NRG4: variants seen among roughly 807,000 people sequenced by gnomAD.
The protein encoded by NRG4 is neuregulin 4.
NRG4 carries 10 observed loss-of-function variants against 15.0 expected under a neutral mutation model. That is an observed-to-expected ratio of 0.67 (90% confidence interval 0.41 to 1.13). NRG4 has a LOEUF of 1.13. NRG4 is among the 50% of genes most tolerant of loss of function. The pLI, the probability that NRG4 is intolerant of heterozygous loss-of-function variation, is 0.00. For synonymous variants in NRG4, 41 were observed against 50.1 expected (o/e 0.82, Z 0.77); for missense variants, 139 against 140.2 (o/e 0.99, Z 0.04).
chr15:76,021,206 G>T (rs2035141669), intron 5 of NRG4, among the ~76,000 whole-genome samples: 1 of 152,140 alleles, frequency 6.6e-6, no homozygotes, highest in Non-Finnish European at 1.5e-5. Context: ...ACAAAGCCTT[G>T]ATGACAGCAC....
At chr15:76,045,784 G>T (rs1470533811) in intron 4 of NRG4, among the ~76,000 whole-genome samples, 2 of 150,790 alleles carry the variant, frequency 1.3e-5, no homozygotes, top group Non-Finnish European at 2.9e-5. Context: ...GCTGGGAAGG[G>T]TGGAGCAGGG....
At chr15:75,984,118 G>A (rs1174382554) in intron 3 of NRG4, among the ~76,000 whole-genome samples, 1 of 152,152 alleles carries the variant, frequency 6.6e-6, no homozygotes, top group Non-Finnish European at 1.5e-5. Context: ...TATAATGGTG[G>A]ATACATGTCA....
At chr15:76,019,832 T>A (rs2035099074) in intron 5 of NRG4, among the ~76,000 whole-genome samples, 2 of 152,158 alleles carry the variant, frequency 1.3e-5, no homozygotes, top group Admixed American at 6.5e-5. Context: ...ATCTCCCACA[T>A]TCAAAGGCAA....
rs376329611 is a variant in NRG4, at chr15:76,050,973, T to TTTTATTTATTTATTTA, written c.-105+1078_-105+1093dup. ...GGTGTGTGCCACCATGCCTGCCTAT[T>TTTTATTTATTTATTTA]TTTATTTATTTATTTATTTATTTAT... On this transcript the variant is annotated intron_variant, in intron 4 of 8. Transcript: ENST00000563910. Among the ~76,000 whole-genome samples, 11 of 147,584 alleles carry TTTTATTTATTTATTTA rather than the reference T, an allele frequency of 7.5e-5. 2 individuals are homozygous for TTTTATTTATTTATTTA. Among genetic ancestry groups the TTTTATTTATTTATTTA allele is most frequent in the African/African-American group, 2.8e-4 (11 of 38,714 alleles).
At chr15:75,943,736 C>T (rs2031236866) in intron 5 of NRG4, 82 bp from the exon 6 acceptor site, 1 of 881,050 alleles carries the variant, frequency 1.1e-6, no homozygotes, top group African/African-American at 1.7e-5. Flanking sequence ...TGTCTCTTAT[C>T]TTCTTCACAT....
At chr15:75,958,242 G>A (rs1478433977) in intron 4 of NRG4, among the ~76,000 whole-genome samples, 2 of 152,086 alleles carry the variant, frequency 1.3e-5, no homozygotes, top group African/African-American at 4.8e-5. Context: ...TCGATCTCCT[G>A]ACCTTGTGAT....
chr15:75,937,094 C>G (rs1441674963), downstream of NRG4: 1 of 151,846 alleles, frequency 6.6e-6, no homozygotes, highest in African/African-American at 2.4e-5. Flanking sequence ...AATAAACATA[C>G]TCTATTCAAG....
At chr15:76,023,952 A>C (rs1376453791) in intron 5 of NRG4, among the ~76,000 whole-genome samples, 1 of 152,218 alleles carries the variant, frequency 6.6e-6, no homozygotes, top group Non-Finnish European at 1.5e-5. Context: ...GCTGACAAGC[A>C]ACTCTTTGGG....
rs545355004 is a variant in NRG4, at chr15:76,033,270, T to C, written c.-57+2674A>G. Among the ~76,000 whole-genome samples, 5 of 152,308 alleles carry C rather than the reference T, an allele frequency of 3.3e-5. No individual in the cohort carries two copies. The South Asian group carries it at 1.0e-3, about 32-fold the overall frequency. ...TTGTTTGTTTTTCCCCAAAAGCTTT[T>C]CCCGGCCAGTTGTGGTGGCTCACGC... is the stretch of plus-strand genomic sequence containing the variant. On this transcript the variant is annotated intron_variant, in intron 5 of 8. Transcript: ENST00000563910.
At chr15:76,040,023 A>T (rs148457495) in intron 4 of NRG4, among the ~76,000 whole-genome samples, 3 of 152,032 alleles carry the variant, frequency 2.0e-5, no homozygotes, top group Non-Finnish European at 4.4e-5. Flanking sequence ...ACAAAGTGAG[A>T]CTCTGTACCT....
intron 3 of NRG4, among the ~76,000 whole-genome samples, chr15:75,982,642 A>G (rs2033649205): frequency 6.6e-6 from 1 of 152,246 alleles, no homozygotes; most frequent in African/African-American, 2.4e-5. Context: ...GAGGAAGTAC[A>G]AGTAAATTCC....
chr15:76,005,168 G>A (rs141023522), intron 3 of NRG4, among the ~76,000 whole-genome samples: 51 of 152,128 alleles, frequency 3.4e-4, no homozygotes, highest in African/African-American at 1.1e-3. Flanking sequence ...AAGGCCAGGA[G>A]TTTGATGCCA....
In NRG4 at chr15:75,944,819, AT is replaced by A. The variant is rs1476522214; in HGVS notation, c.332-1166del. Reference sequence around the variant, plus strand: ...TATGGTGTTGCAGTTATTGACTGAGATTGTTCAACCTTGAAAAAACGGTCAA... The same window carrying A: ...TATGGTGTTGCAGTTATTGACTGAGATGTTCAACCTTGAAAAAACGGTCAA... On this transcript the variant is annotated intron_variant, in intron 5 of 5. Coordinates refer to ENST00000394907, the MANE Select transcript of NRG4 (RefSeq NM_138573.4). Among the ~76,000 whole-genome samples, 11 of 152,130 alleles carry A rather than the reference AT, an allele frequency of 7.2e-5. No homozygotes were observed. In the East Asian group the frequency reaches 2.1e-3, roughly 29 times the overall value.
At chr15:76,037,178 C>G (rs904590709) in intron 4 of NRG4, among the ~76,000 whole-genome samples, 8 of 152,022 alleles carry the variant, frequency 5.3e-5, no homozygotes, top group African/African-American at 1.9e-4. Flanking sequence ...AATCATCCCC[C>G]CTGCAGGAAC....
intron 5 of NRG4, among the ~76,000 whole-genome samples, chr15:76,023,333 T>C (rs1349850234): frequency 6.6e-6 from 1 of 152,044 alleles, no homozygotes; most frequent in Non-Finnish European, 1.5e-5. Context: ...CGGAGAGTCA[T>C]CTAGCCTCTG....
chr15:75,985,397 G>T (rs935975013), intron 3 of NRG4, among the ~76,000 whole-genome samples: 3 of 152,172 alleles, frequency 2.0e-5, no homozygotes, highest in African/African-American at 7.2e-5. Flanking sequence ...GTAATGAATT[G>T]TGACAATTTA....
intron 3 of NRG4, among the ~76,000 whole-genome samples, chr15:75,988,590 T>TAC (rs2033888364): frequency 6.6e-6 from 1 of 152,210 alleles, no homozygotes; most frequent in Non-Finnish European, 1.5e-5. Flanking sequence ...TCTTGATAGA[T>TAC]ACACATAGGT....
intron 3 of NRG4, among the ~76,000 whole-genome samples, chr15:75,990,148 C>G (rs1472564809): frequency 6.6e-6 from 1 of 152,194 alleles, no homozygotes; most frequent in Non-Finnish European, 1.5e-5. Flanking sequence ...GTTCTTTGCG[C>G]AGCACTATGG....
intron 3 of NRG4, among the ~76,000 whole-genome samples, chr15:75,999,842 T>A (rs1209409712): frequency 6.6e-6 from 1 of 152,056 alleles, no homozygotes; most frequent in Non-Finnish European, 1.5e-5. Context: ...TCAAGACCAG[T>A]ATGGGTAACA....
Sources: gnomAD v4.1 joint callset for allele counts (sites outside exome capture counted in the v4.1 genomes callset) on GRCh38, gnomAD v4.1.1 for gene constraint, MANE v1.5 for transcripts, NCBI Gene and HGNC (gene_info 2026-07-23, HGNC 2026-07-21) for gene names.